Variants in NTM observed in about 807,000 individuals in gnomAD.
NTM encodes IgLON family member 2.
A neutral mutation model predicts 42.1 loss-of-function variants in NTM; 13 were observed. The observed-to-expected ratio is 0.31, with a 90% confidence interval of 0.20 to 0.49. The LOEUF (loss-of-function observed/expected upper bound fraction) is 0.49, where lower values mean the gene tolerates loss of function less well. Among genes scored for constraint, NTM ranks in the 20% least tolerant of loss-of-function variants. The probability of loss-of-function intolerance (pLI) is 0.99; values close to 1 mark genes in which losing one functional copy is unlikely to be tolerated. For missense variants in NTM, 373 were observed against 452.8 expected (o/e 0.82, Z 1.60); for synonymous variants, 187 against 179.2 (o/e 1.04, Z -0.35).
chr11:132,152,187 G>A (rs993557832), intron 3 of NTM, among the ~76,000 whole-genome samples: 3 of 152,202 alleles, frequency 2.0e-5, no homozygotes, highest in African/African-American at 7.2e-5. Flanking sequence ...TGAAAGCAAA[G>A]CTTTCTGCCT....
chr11:131,702,651 A>T (rs1167255226), intron 1 of NTM, among the ~76,000 whole-genome samples: 1 of 152,244 alleles, frequency 6.6e-6, no homozygotes, highest in Non-Finnish European at 1.5e-5. Context: ...AATACTATTG[A>T]GATACCATGC....
intron 4 of NTM, among the ~76,000 whole-genome samples, chr11:132,263,623 C>T: frequency 6.6e-6 from 1 of 152,042 alleles, no homozygotes; most frequent in African/African-American, 2.4e-5. Flanking sequence ...ACAATTCCAT[C>T]TTCAATTCAT....
In NTM at chr11:131,615,335, C is replaced by T. The variant is rs554182061; in HGVS notation, c.82+244447C>T. Among the ~76,000 whole-genome samples the T allele has an allele frequency of 5.9e-5, 9 of 152,092 alleles. No homozygotes were observed. The East Asian group carries it at 9.7e-4, about 16-fold the overall frequency. ...GGGGCCTTCAAAGTTTAGCACTGTG[C>T]GTGGCTCATAGCAAGTTCTCTCTCT... On this transcript the variant is annotated intron_variant, in intron 1 of 8. Coordinates refer to ENST00000683400, the MANE Select transcript of NTM (RefSeq NM_001352005.2).
intron 1 of NTM, among the ~76,000 whole-genome samples, chr11:131,744,222 A>G (rs2081523275): frequency 6.6e-6 from 1 of 152,216 alleles, no homozygotes; most frequent in Non-Finnish European, 1.5e-5. Context: ...TACTTTAGAT[A>G]TGTAAAGTGC....
At chr11:132,207,663 C>G (rs982615548) in intron 3 of NTM, among the ~76,000 whole-genome samples, 2 of 152,170 alleles carry the variant, frequency 1.3e-5, no homozygotes, top group Non-Finnish European at 2.9e-5. Flanking sequence ...TAGACTTCTT[C>G]CATTAACAGT....
At chr11:131,371,969 C>G (rs1180523104) in intron 1 of NTM, among the ~76,000 whole-genome samples, 2 of 152,168 alleles carry the variant, frequency 1.3e-5, no homozygotes, top group Admixed American at 1.3e-4. Context: ...TTCCCTCTGA[C>G]CCGGTGAAAA....
intron 1 of NTM, among the ~76,000 whole-genome samples, chr11:131,493,964 A>C (rs1340811605): frequency 1.3e-5 from 2 of 152,038 alleles, no homozygotes; most frequent in East Asian, 3.9e-4. Context: ...ATTTCTCCTC[A>C]AATACCTTTT....
At chr11:131,879,329 C>T (rs1237401811) in intron 1 of NTM, among the ~76,000 whole-genome samples, 2 of 152,158 alleles carry the variant, frequency 1.3e-5, no homozygotes, top group Non-Finnish European at 2.9e-5. Context: ...ACCCGTCCCG[C>T]AGTGATGTTA....
intron 1 of NTM, among the ~76,000 whole-genome samples, chr11:131,431,055 G>C (rs575502038): frequency 6.6e-6 from 1 of 152,196 alleles, no homozygotes; most frequent in Admixed American, 6.5e-5. Flanking sequence ...ACACAGTGTC[G>C]CAGAGACCTG....
chr11:131,651,102 C>A (rs551195620), intron 1 of NTM, among the ~76,000 whole-genome samples: 41 of 152,270 alleles, frequency 2.7e-4, no homozygotes, highest in African/African-American at 9.1e-4. Flanking sequence ...TTTGCAACTA[C>A]CGACTGTTCT....
chr11:132,087,178 A>C (rs2059824968), intron 2 of NTM, among the ~76,000 whole-genome samples: 1 of 152,134 alleles, frequency 6.6e-6, no homozygotes. Context: ...TGACCTTGAT[A>C]GGGTGCCACC....
intron 1 of NTM, among the ~76,000 whole-genome samples, chr11:131,769,027 G>A (rs1441425214): frequency 1.3e-5 from 2 of 152,166 alleles, no homozygotes; most frequent in African/African-American, 2.4e-5. Context: ...GGGTCTTCAT[G>A]TCTGTAAAAG....
At chr11:132,082,224 T>C (rs1454727658) in intron 2 of NTM, among the ~76,000 whole-genome samples, 3 of 152,064 alleles carry the variant, frequency 2.0e-5, no homozygotes, top group Non-Finnish European at 4.4e-5. Context: ...TCTTGTTTCA[T>C]GACCAGGAAA....
intron 1 of NTM, among the ~76,000 whole-genome samples, chr11:131,648,602 A>C (rs1297823645): frequency 6.6e-6 from 1 of 152,208 alleles, no homozygotes; most frequent in East Asian, 1.9e-4. Flanking sequence ...TAATTTAGGT[A>C]ATTTCCTTTA....
chr11:132,287,349 T>C (rs774831811), intron 4 of NTM, among the ~76,000 whole-genome samples: 2 of 152,218 alleles, frequency 1.3e-5, no homozygotes, highest in East Asian at 3.9e-4. Context: ...CACATTGAGC[T>C]CAGGACCCGG....
In NTM at chr11:131,391,260, G is replaced by A. The variant is rs554570256; in HGVS notation, c.82+20372G>A. ...AGTCTGTACCCTTATTCATTCTCACGCAGCCTCTCCGCCACATACTTCTCT... is the reference window on the plus strand; with the variant it reads ...AGTCTGTACCCTTATTCATTCTCACACAGCCTCTCCGCCACATACTTCTCT... On this transcript the variant is annotated intron_variant, in intron 1 of 8. Coordinates refer to ENST00000683400, the MANE Select transcript of NTM (RefSeq NM_001352005.2). Among the ~76,000 whole-genome samples, 7 of 152,108 alleles carry A rather than the reference G, an allele frequency of 4.6e-5. No homozygotes were observed. The South Asian group carries it at 1.2e-3, about 27-fold the overall frequency.
chr11:131,882,069 G>C (rs1264373696), intron 1 of NTM, among the ~76,000 whole-genome samples: 1 of 152,192 alleles, frequency 6.6e-6, no homozygotes, highest in East Asian at 1.9e-4. Context: ...AAGGGCCCAA[G>C]TGAGTGTCTT....
chr11:131,444,578 T>C (rs763253322), intron 1 of NTM, among the ~76,000 whole-genome samples: 11 of 152,062 alleles, frequency 7.2e-5, no homozygotes, highest in Middle Eastern at 6.8e-3. Context: ...AGGAGAAAGA[T>C]TGGATGGTGA....
chr11:131,967,553 G>A (rs770562730), intron 2 of NTM, among the ~76,000 whole-genome samples: 15 of 152,154 alleles, frequency 9.9e-5, no homozygotes, highest in Non-Finnish European at 1.8e-4. Flanking sequence ...CCATTTTAAT[G>A]GGCCAGGGAG....
Sources: allele counts gnomAD v4.1 joint callset (sites outside exome capture counted in the v4.1 genomes callset), GRCh38; gene constraint gnomAD v4.1.1; transcripts MANE v1.5; gene names NCBI Gene and HGNC (gene_info 2026-07-23, HGNC 2026-07-21).